Variants in FSTL4 observed in about 807,000 individuals in gnomAD.
FSTL4 encodes the protein follistatin like 4.
A neutral mutation model predicts 78.2 loss-of-function variants in FSTL4; 28 were observed. That is an observed-to-expected ratio of 0.36 (90% confidence interval 0.27 to 0.49). The LOEUF (loss-of-function observed/expected upper bound fraction) is 0.49. Ranked by LOEUF, FSTL4 falls within the 20% of genes least tolerant of loss-of-function variation. FSTL4 has a pLI of 0.98. For missense variants in FSTL4, 922 were observed against 1,084.9 expected (o/e 0.85, Z 2.11); for synonymous variants, 422 against 440.5 (o/e 0.96, Z 0.53).
intron 3 of FSTL4, among the ~76,000 whole-genome samples, chr5:133,475,869 C>T (rs918553282): frequency 6.6e-6 from 1 of 152,142 alleles, no homozygotes; most frequent in Non-Finnish European, 1.5e-5. Flanking sequence ...CCTGCTCTCA[C>T]GCGTGTGTGA....
the FSTL4 span, among the ~76,000 whole-genome samples, chr5:133,648,995 C>T: frequency 3.5e-4 from 53 of 152,242 alleles, no homozygotes; most frequent in African/African-American, 1.2e-3. Context: ...AGTTTCACTG[C>T]CCCAAAAATC....
upstream of FSTL4, among the ~76,000 whole-genome samples, chr5:133,614,373 GAGA>G (rs1761163893): frequency 6.6e-6 from 1 of 152,188 alleles, no homozygotes; most frequent in Non-Finnish European, 1.5e-5. Flanking sequence ...CCCAAAGAAG[GAGA>G]AGAAGGTAGT....
At chr5:133,759,578 G>A in the FSTL4 span, among the ~76,000 whole-genome samples, 1 of 152,178 alleles carries the variant, frequency 6.6e-6, no homozygotes, top group African/African-American at 2.4e-5. Context: ...CCAGTACTAT[G>A]TGATATATAC....
chr5:133,750,579 C>T, the FSTL4 span, among the ~76,000 whole-genome samples: 2 of 152,094 alleles, frequency 1.3e-5, no homozygotes, highest in Non-Finnish European at 2.9e-5. Flanking sequence ...GGTCAGGGCC[C>T]GTGAGGAGAG....
the FSTL4 span, among the ~76,000 whole-genome samples, chr5:133,681,434 G>T: frequency 6.6e-6 from 1 of 152,200 alleles, no homozygotes; most frequent in South Asian, 2.1e-4. Flanking sequence ...CTACCAGACG[G>T]ACTTGGCTGC....
intron 3 of FSTL4, among the ~76,000 whole-genome samples, chr5:133,494,351 CTTT>C (rs34418981): frequency 5.0e-5 from 7 of 141,200 alleles, no homozygotes; most frequent in African/African-American, 2.6e-5. Flanking sequence ...CTTGTGATAT[CTTT>C]TTTTTTTTTT....
chr5:133,232,952 G>A (rs1294755604), intron 8 of FSTL4, among the ~76,000 whole-genome samples: 2 of 152,234 alleles, frequency 1.3e-5, no homozygotes, highest in East Asian at 3.8e-4. Context: ...TGGGCCTCCT[G>A]GGGAGGGAGA....
the FSTL4 span, among the ~76,000 whole-genome samples, chr5:133,659,086 G>T: frequency 6.3e-4 from 96 of 152,208 alleles, 1 homozygote; most frequent in Middle Eastern, 0.01. Context: ...CATATGAAAA[G>T]AAAGTATTTT....
At chr5:133,561,090 A>AAATAATAAT (rs369652665) in intron 3 of FSTL4, among the ~76,000 whole-genome samples, 17 of 131,240 alleles carry the variant, frequency 1.3e-4, no homozygotes, top group East Asian at 2.2e-4. Context: ...CTCGGACTCA[A>AAATAATAAT]AATAATAATA....
chr5:133,475,216 G>A (rs11743891), intron 3 of FSTL4, among the ~76,000 whole-genome samples: 42,498 of 152,130 alleles, frequency 0.28, 6,440 homozygotes, highest in East Asian at 0.45. Flanking sequence ...GACAAAAACC[G>A]CATCAATTTT....
chr5:133,557,074 T>A (rs1031058706), intron 3 of FSTL4, among the ~76,000 whole-genome samples: 3 of 152,168 alleles, frequency 2.0e-5, no homozygotes, highest in Admixed American at 6.5e-5. Context: ...GCAGCTACCC[T>A]AGGGGACAGG....
chr5:133,598,531 G>A lies in FSTL4; in HGVS notation c.126+5327C>T, dbSNP rs1760789191. ...TATAAATGTACTGATAACGTCTATA[G>A]GTGGGAGGTTGTGCCCTCCCAGTTG... On this transcript the variant is annotated intron_variant, in intron 2 of 15. Coordinates refer to ENST00000265342, the MANE Select transcript of FSTL4 (RefSeq NM_015082.2). 2.0e-5 allele frequency among the ~76,000 whole-genome samples: 3 copies of A among 152,068 alleles called. No homozygotes were observed. The South Asian group carries it at 6.2e-4, about 32-fold the overall frequency.
the FSTL4 span, among the ~76,000 whole-genome samples, chr5:133,689,830 G>A: frequency 6.6e-5 from 10 of 152,152 alleles, no homozygotes; most frequent in African/African-American, 2.2e-4. Context: ...GGAAGGATAG[G>A]CGGGTGGATC....
At chr5:133,303,086 C>T (rs1218435934) in intron 6 of FSTL4, among the ~76,000 whole-genome samples, 2 of 152,190 alleles carry the variant, frequency 1.3e-5, no homozygotes, top group East Asian at 1.9e-4. Context: ...GTGCCTCCTG[C>T]GTTTGTTACT....
chr5:133,213,255 G>A (rs1348113749), intron 13 of FSTL4, among the ~76,000 whole-genome samples: 1 of 152,128 alleles, frequency 6.6e-6, no homozygotes, highest in African/African-American at 2.4e-5. Flanking sequence ...CACCTGCCCT[G>A]GCCTCCCAGA....
chr5:133,267,339 C>T (rs1008142239), intron 6 of FSTL4, among the ~76,000 whole-genome samples: 1 of 152,182 alleles, frequency 6.6e-6, no homozygotes, highest in African/African-American at 2.4e-5. Context: ...CCCCAGGACC[C>T]ATGAGAGGGC....
chr5:133,662,809 CTG>C, the FSTL4 span, among the ~76,000 whole-genome samples: 1 of 152,154 alleles, frequency 6.6e-6, no homozygotes, highest in Non-Finnish European at 1.5e-5. Flanking sequence ...GGCTGTGGGG[CTG>C]TGAGTCACTC....
chr5:133,544,814 T>G (rs1284656191), intron 3 of FSTL4, among the ~76,000 whole-genome samples: 1 of 152,190 alleles, frequency 6.6e-6, no homozygotes, highest in African/African-American at 2.4e-5. Flanking sequence ...AGCAGCAAGA[T>G]TTCAGGGGCC....
Position 133,204,339 on chromosome 5 carries a change from G to T in FSTL4, c.1717-2297C>A, listed in dbSNP as rs546493651. ...CGTTCATGTAGTCTTCCCAAAGTGT[G>T]TTCAACAAATCCTTCAGTGTTGGAT... On this transcript the variant is annotated intron_variant, in intron 14 of 15. Transcript: ENST00000265342. Among the ~76,000 whole-genome samples the T allele has an allele frequency of 2.0e-5, 3 of 152,300 alleles. No individual in the cohort carries two copies. The South Asian group carries it at 6.2e-4, about 32-fold the overall frequency.
Sources: gnomAD v4.1 joint callset for allele counts (sites outside exome capture counted in the v4.1 genomes callset) on GRCh38, gnomAD v4.1.1 for gene constraint, MANE v1.5 for transcripts, NCBI Gene and HGNC (gene_info 2026-07-23, HGNC 2026-07-21) for gene names.